The following NELFE variants were observed in gnomAD, a reference collection of about 807,000 sequenced individuals.
NELFE encodes the protein negative elongation factor complex member E, also known as negative elongation factor E.
Under a neutral mutation model 55.5 loss-of-function variants are expected in NELFE, and 26 were observed. That is an observed-to-expected ratio of 0.47 (90% CI 0.34 to 0.65). The LOEUF (loss-of-function observed/expected upper bound fraction) is 0.65, where lower values mean the gene tolerates loss of function less well. NELFE is among the 30% of genes least tolerant of loss of function. The pLI is 0.01. For missense variants in NELFE, 403 were observed against 506.9 expected, an observed-to-expected ratio of 0.80 and a Z score of 1.97; for synonymous variants, 162 against 178.0, an observed-to-expected ratio of 0.91 and a Z score of 0.72.
intron 10 of NELFE, among the ~76,000 whole-genome samples, chr6:31,953,281 C>T (rs1771876142): frequency 6.6e-6 from 1 of 150,920 alleles, no homozygotes; most frequent in African/African-American, 2.4e-5. Context: ...CAAACTGAGT[C>T]CTGGGTCGTT....
intron 2 of NELFE, 122 bp downstream of exon 2, chr6:31,958,250 T>C: frequency 1.2e-6 from 1 of 862,584 alleles, no homozygotes; most frequent in Non-Finnish European, 2.0e-6. Flanking sequence ...AGCTACACTG[T>C]GAGGTGATAT....
In NELFE at chr6:31,952,382, A is replaced by G. The variant is rs551006576; in HGVS notation, c.1062T>C (p.Pro354=). ...VWGSLAVQNS[P]KGCHRDKRTQ... Reference sequence around the variant, plus strand: ...TCCTCTTGTCCCGGTGGCAACCCTTAGGGCTGTTCTGGACAGCTAGGGAGG... The same window carrying G: ...TCCTCTTGTCCCGGTGGCAACCCTTGGGGCTGTTCTGGACAGCTAGGGAGG... Residue 354 remains proline, a synonymous_variant, in exon 11 of 11, where the codon CCT becomes CCC. Coordinates refer to ENST00000375429, the MANE Select transcript of NELFE (RefSeq NM_002904.6). 5 of 1,613,982 alleles carry G rather than the reference A, an allele frequency of 3.1e-6. No homozygotes were observed. The African/African-American group carries it at 6.7e-5, about 22-fold the overall frequency.
In NELFE at chr6:31,954,759, C is replaced by A. The variant is rs1280245633; in HGVS notation, c.538G>T (p.Ala180Ser). The change falls in exon 7 of 11, where the codon GCC (alanine) becomes TCC (serine). Residue 180 changes from alanine (A) to serine (S), a missense_variant. By Grantham distance (99) the Ala-to-Ser change is moderately conservative (BLOSUM62 1). Around this residue, in one of 3 missense-constraint regions of NELFE, gnomAD observed 229 missense variants for 228.3 expected, o/e 1.00. Coordinates refer to ENST00000375429, the MANE Select transcript of NELFE (RefSeq NM_002904.6). This position sits in a 1 kb window ranked among gnomAD's most constrained non-coding sequence, Gnocchi z 5.5. ...CGGCTGCGGCTTCGGGGAGGGGAGG[C>A]TGAGGAGTGGGCACCACTGCGTTCT... Reference protein sequence around the residue: ...YEERSGAHSSASPPRSRSRDR... With the variant: ...YEERSGAHSSSSPPRSRSRDR... The A allele has an allele frequency of 6.2e-7, 1 of 1,613,268 alleles. No homozygotes were observed. The highest frequency in any genetic ancestry group is 1.7e-5 in the Admixed American group (1 of 60,022).
rs17201466 is a variant in NELFE at position 31,958,823 on chromosome 6, C to T, written c.-9+69G>A. 20,150 of 659,354 alleles carry T rather than the reference C, an allele frequency of 0.031. 655 individuals are homozygous for T. Among genetic ancestry groups the T allele is most frequent in the Non-Finnish European group, 0.033 (12,171 of 364,564 alleles). The allele number at this position is 659,354 out of a possible 1,614,324, so 40.8% of individuals were successfully genotyped here. ...AGCCAGCGTAGCGCCCGCAGAGCAA[C>T]GCAAAGAGGAAGAACAGAGAAACGG... On this transcript the variant is annotated intron_variant, in intron 1 of 10. Transcript: ENST00000375429.
intron 10 of NELFE, 86 bp from the exon 11 acceptor site, chr6:31,952,484 GC>G: frequency 2.1e-6 from 2 of 944,156 alleles, no homozygotes; most frequent in Non-Finnish European, 3.2e-6. Flanking sequence ...CTCACTCCTG[GC>G]CACTGGCCCC....
rs749114396 is a variant in NELFE at position 31,954,851 on chromosome 6, T to A, written c.446A>T (p.Asp149Val). The change falls in exon 7 of 11, where the codon GAT (aspartate) becomes GTT (valine). Residue 149 changes from aspartate to valine, a missense_variant. Asp to Val is a radical substitution (Grantham distance 152). Transcript: ENST00000375429. This position sits in a 1 kb window ranked among gnomAD's most constrained non-coding sequence, Gnocchi z 5.5. ...CCCTGGGCCCTCTGCCTCTTCTCCATCTGGTCCTAGTTCTCGAAGTCGATC... is the reference window on the plus strand; with the variant it reads ...CCCTGGGCCCTCTGCCTCTTCTCCAACTGGTCCTAGTTCTCGAAGTCGATC... ...SSDRLRELGP[D>V]GEEAEGPGAG... 2.5e-6 allele frequency: 4 copies of A among 1,576,578 alleles called. No individual in the cohort carries two copies. In the African/African-American group the frequency reaches 5.4e-5, roughly 21 times the overall value.
In NELFE at chr6:31,954,299, T is replaced by C; in HGVS notation, c.886A>G (p.Asn296Asp). 6.2e-7 allele frequency: 1 copy of C among 1,609,602 alleles called. No homozygotes were observed. The highest frequency in any genetic ancestry group is 8.5e-7 in the Non-Finnish European group (1 of 1,177,960). The part of the protein sequence containing the change: ...IIDLSMDPPR[N>D]CAFVTYEKME... ...ATCATGCCCTGTTGTCATCCTTACT[T>C]TCTGGGTGGGTCCATGGAGAGGTCA... The change falls in exon 8 of 11, where the codon AAC becomes GAC. Residue 296 changes from asparagine to aspartate, a missense_variant and splice_region_variant. By Grantham distance (23) the Asn-to-Asp change is conservative (BLOSUM62 1). Transcript: ENST00000375429. This position sits in a 1 kb window ranked among gnomAD's most constrained non-coding sequence, Gnocchi z 5.5.
chr6:31,958,741 C>G, intron 1 of NELFE, 151 bp downstream of exon 1: 3 of 702,426 alleles, frequency 4.3e-6, no homozygotes, highest in Non-Finnish European at 7.8e-6. Flanking sequence ...ACCCGACCCC[C>G]CTACCCTCGC....
At chr6:31,958,864 C>T in intron 1 of NELFE, 28 bp downstream of exon 1, 1 of 612,938 alleles carries the variant, frequency 1.6e-6, no homozygotes. Context: ...AGAAAAAGGG[C>T]CGAAGAGTGA....
At chr6:31,955,978 T>G (rs997552125) in intron 4 of NELFE, among the ~76,000 whole-genome samples, 17 of 151,940 alleles carry the variant, frequency 1.1e-4, no homozygotes, top group African/African-American at 4.1e-4. Context: ...TCACCCAGGC[T>G]GGAGTGCAGT....
Position 31,956,940 on chromosome 6 carries a change from C to G in NELFE, c.145+1G>C. ...CCATCCCCATTTCCCCTGTCACTCA[C>G]AGCGTTTGACACCACCTTGGCTGGT... On this transcript the variant is annotated splice_donor_variant, in intron 3 of 10. Coordinates refer to ENST00000375429, the MANE Select transcript of NELFE (RefSeq NM_002904.6). LOFTEE classifies it high-confidence loss of function. The G allele has an allele frequency of 6.2e-7, 1 of 1,610,928 alleles. No homozygotes were observed. The highest frequency in any genetic ancestry group is 8.5e-7 in the Non-Finnish European group (1 of 1,178,166).
At chr6:31,957,550 C>T in intron 2 of NELFE, 1 of 437,866 alleles carries the variant, frequency 2.3e-6, no homozygotes, top group South Asian at 1.6e-5. Context: ...AGGCCCTCTC[C>T]CGTATCTCTG....
intron 4 of NELFE, 45 bp downstream of exon 4, chr6:31,956,648 A>G (rs1346068307): frequency 4.5e-6 from 7 of 1,561,036 alleles, no homozygotes; most frequent in Non-Finnish European, 6.1e-6. Flanking sequence ...TCTACATTCC[A>G]ACTTGGAGGG....
chr6:31,957,116 C>A, intron 2 of NELFE, 106 bp from the exon 3 acceptor site: 1 of 967,556 alleles, frequency 1.0e-6, no homozygotes, highest in Non-Finnish European at 1.6e-6. Context: ...TTTCTTGATG[C>A]CCTCAGAGTG....
At chr6:31,956,557 C>A in intron 4 of NELFE, 136 bp downstream of exon 4, 1 of 928,680 alleles carries the variant, frequency 1.1e-6, no homozygotes. Context: ...CTAGTTTTTT[C>A]ATTTTATACA....
At position 31,958,940 on chromosome 6, in the gene NELFE, C is replaced by G; in HGVS notation, c.-57G>C. 1.7e-6 allele frequency: 1 copy of G among 596,010 alleles called. No homozygotes were observed. The allele number at this position is 596,010 out of a possible 1,614,324, so 36.9% of individuals were successfully genotyped here. Reference sequence around the variant, plus strand: ...CCCACGGTCTCCGGCCGCGCCCGCGCTGGCCGCTGATAGCGGGCTCACAAC... The same window carrying G: ...CCCACGGTCTCCGGCCGCGCCCGCGGTGGCCGCTGATAGCGGGCTCACAAC... On this transcript the variant is annotated 5_prime_UTR_variant, in exon 1 of 11. Transcript: ENST00000375429.
rs1771999844 is a variant in NELFE at position 31,955,106 on chromosome 6, A to C, written c.367-10T>G. On this transcript the variant is annotated splice_polypyrimidine_tract_variant and intron_variant, in intron 5 of 10. Coordinates refer to ENST00000375429, the MANE Select transcript of NELFE (RefSeq NM_002904.6). ...GGGGACGTCTGGATGACTGTAAAAGAGACCAAGAACAGTTAAGATGATTTC... is the reference window on the plus strand; with the variant it reads ...GGGGACGTCTGGATGACTGTAAAAGCGACCAAGAACAGTTAAGATGATTTC... 1.2e-6 allele frequency: 2 copies of C among 1,613,128 alleles called. No homozygotes were observed. Among genetic ancestry groups the C allele is most frequent in the Non-Finnish European group, 1.7e-6 (2 of 1,180,026 alleles).
In NELFE at chr6:31,952,271, T is replaced by C; in HGVS notation, c.*30A>G. ...TTTTACTGAGACCAGCATTGGGGCA[T>C]ATGAGGCACAAGGAATCCAGCTCTG... On this transcript the variant is annotated 3_prime_UTR_variant, in exon 11 of 11. Coordinates refer to ENST00000375429, the MANE Select transcript of NELFE (RefSeq NM_002904.6). 6.4e-7 allele frequency: 1 copy of C among 1,569,734 alleles called. No individual in the cohort carries two copies.
chr6:31,956,649 ACTTGGAGGGATGCC>A (rs781136112), intron 4 of NELFE, 30 bp downstream of exon 4: 1 of 1,562,322 alleles, frequency 6.4e-7, no homozygotes, highest in Admixed American at 1.8e-5. Context: ...CTACATTCCA[ACTTGGAGGGATGCC>A]CTTTAAACAA....
Sources: gnomAD v4.1 joint callset for allele counts (sites outside exome capture counted in the v4.1 genomes callset) on GRCh38, gnomAD v4.1.1 for gene constraint, gnomAD v4.1.1 regional missense constraint, Gnocchi (gnomAD v3.1) non-coding constraint, MANE v1.5 for transcripts, NCBI Gene and HGNC (gene_info 2026-07-23, HGNC 2026-07-21) for gene names.